Variants in ITPKB observed in about 807,000 individuals in gnomAD.
ITPKB encodes IP3 3-kinase B.
A neutral mutation model predicts 69.4 loss-of-function variants in ITPKB; 13 were observed. That is an observed-to-expected ratio of 0.19 (90% CI 0.12 to 0.30). ITPKB has a LOEUF of 0.30. Among genes scored for constraint, ITPKB ranks in the 10% least tolerant of loss-of-function variants. The pLI is 1.00. For missense variants in ITPKB, 1,240 were observed against 1,250.5 expected (o/e 0.99, Z 0.13); for synonymous variants, 584 against 513.7 (o/e 1.14, Z -1.85).
Position 226,641,256 on chromosome 1 carries a change from GC to G in ITPKB, c.2451+664del, listed in dbSNP as rs1206724443. On this transcript the variant is annotated intron_variant, in intron 5 of 7. Coordinates refer to ENST00000429204, the MANE Select transcript of ITPKB (RefSeq NM_002221.4). This position sits in a 1 kb window ranked among gnomAD's most constrained non-coding sequence, Gnocchi z 4.6. Reference sequence around the variant, plus strand: ...AATCATGTATAGGAAGCTTCTGTGTGCCCATAGCCAGAGCTAAGAACTTTCC... The same window carrying G: ...AATCATGTATAGGAAGCTTCTGTGTGCCATAGCCAGAGCTAAGAACTTTCC... Among the ~76,000 whole-genome samples, 1 of 152,174 alleles carries G rather than the reference GC, an allele frequency of 6.6e-6. No homozygotes were observed. The highest frequency in any genetic ancestry group is 1.5e-5 in the Non-Finnish European group (1 of 68,048).
At chr1:226,654,187 A>G (rs1571841915) in intron 2 of ITPKB, among the ~76,000 whole-genome samples, 1 of 152,126 alleles carries the variant, frequency 6.6e-6, no homozygotes, top group Non-Finnish European at 1.5e-5. Flanking sequence ...TGAAAGAGCT[A>G]AAATATTCAG....
At chr1:226,689,771 AC>A (rs1333662338) in intron 2 of ITPKB, among the ~76,000 whole-genome samples, 3 of 151,770 alleles carry the variant, frequency 2.0e-5, no homozygotes, top group African/African-American at 7.3e-5. Flanking sequence ...CTCTCCTCCT[AC>A]CCTCTACCCT....
At chr1:226,729,001 T>G (rs1657504752) in intron 2 of ITPKB, among the ~76,000 whole-genome samples, 1 of 152,202 alleles carries the variant, frequency 6.6e-6, no homozygotes, top group African/African-American at 2.4e-5. Context: ...TCTCCTTCAT[T>G]CATTCACCCA....
intron 2 of ITPKB, among the ~76,000 whole-genome samples, chr1:226,670,175 CAAAAAAAA>C (rs35767912): frequency 0.023 from 734 of 32,002 alleles, 9 homozygotes; most frequent in Middle Eastern, 0.11. Flanking sequence ...AGCTCCGCCG[CAAAAAAAA>C]AAAAAAAAAA....
intron 2 of ITPKB, among the ~76,000 whole-genome samples, chr1:226,710,702 T>C (rs1479291265): frequency 6.6e-6 from 1 of 152,256 alleles, no homozygotes; most frequent in Non-Finnish European, 1.5e-5. Flanking sequence ...TGGATTCTCA[T>C]GCAGTTGTCC....
At chr1:226,715,209 C>T (rs1283436546) in intron 2 of ITPKB, among the ~76,000 whole-genome samples, 1 of 152,238 alleles carries the variant, frequency 6.6e-6, no homozygotes, top group African/African-American at 2.4e-5. Context: ...CTAAGCTATG[C>T]TTGTACATGT....
chr1:226,715,305 A>G (rs1166952540), intron 2 of ITPKB, among the ~76,000 whole-genome samples: 4 of 152,256 alleles, frequency 2.6e-5, no homozygotes, highest in Admixed American at 6.5e-5. Flanking sequence ...AGTTAGTCGC[A>G]GGTAGTAGAT....
chr1:226,723,565 G>A (rs1028400407), intron 2 of ITPKB, among the ~76,000 whole-genome samples: 9 of 151,964 alleles, frequency 5.9e-5, no homozygotes, highest in Non-Finnish European at 7.4e-5. Context: ...ACACACACAC[G>A]TGTGTGTGGG....
intron 2 of ITPKB, among the ~76,000 whole-genome samples, chr1:226,670,291 A>G (rs1262340067): frequency 1.3e-5 from 2 of 151,944 alleles, no homozygotes; most frequent in African/African-American, 2.4e-5. Context: ...CCCAAGACAC[A>G]TGACCTTTTG....
At chr1:226,697,541 T>C (rs1019234762) in intron 2 of ITPKB, among the ~76,000 whole-genome samples, 2 of 152,186 alleles carry the variant, frequency 1.3e-5, no homozygotes, top group African/African-American at 4.8e-5. Context: ...TGTGCGTGAT[T>C]CTCCAACTCT....
At chr1:226,733,188 G>C (rs1446009745) in intron 2 of ITPKB, among the ~76,000 whole-genome samples, 1 of 152,208 alleles carries the variant, frequency 6.6e-6, no homozygotes, top group Non-Finnish European at 1.5e-5. Context: ...GCAAGTGTAA[G>C]CAAGTGTGAG....
rs970163736 is a variant in ITPKB, at chr1:226,700,486, A to C, written c.1932+35041T>G. The stretch of plus-strand genomic sequence containing the variant: ...CCGTCAAAAAAAAAAAAAAAAAAAA[A>C]AAAAAAAAAACCCAGAACTTTGCAA... On this transcript the variant is annotated intron_variant, in intron 2 of 7. Coordinates refer to ENST00000429204, the MANE Select transcript of ITPKB (RefSeq NM_002221.4). Among the ~76,000 whole-genome samples the C allele has an allele frequency of 9.3e-5, 14 of 150,796 alleles. No individual in the cohort carries two copies. The East Asian group carries it at 9.7e-4, about 10-fold the overall frequency.
chr1:226,661,655 A>G (rs1342511284), intron 2 of ITPKB, among the ~76,000 whole-genome samples: 2 of 152,212 alleles, frequency 1.3e-5, no homozygotes, highest in East Asian at 3.8e-4. Flanking sequence ...CATGTATCCT[A>G]AAGTATTGTT....
intron 2 of ITPKB, among the ~76,000 whole-genome samples, chr1:226,723,582 T>C (rs1657310464): frequency 6.6e-6 from 1 of 151,786 alleles, no homozygotes; most frequent in Non-Finnish European, 1.5e-5. Flanking sequence ...TGGGTGTGTG[T>C]GTATAGAGAG....
At chr1:226,701,145 C>T (rs891914287) in intron 2 of ITPKB, among the ~76,000 whole-genome samples, 1 of 152,208 alleles carries the variant, frequency 6.6e-6, no homozygotes, top group Non-Finnish European at 1.5e-5. Flanking sequence ...AGAAGCTAGC[C>T]ACGCAGGGTC....
intron 2 of ITPKB, 82 bp from the exon 3 acceptor site, chr1:226,648,853 T>G (rs1669114892): frequency 3.1e-6 from 3 of 970,062 alleles, no homozygotes. Context: ...GCAAAGGCCC[T>G]CATTGCCTGT....
intron 2 of ITPKB, among the ~76,000 whole-genome samples, chr1:226,711,430 AGAGAGAGAGAGAGT>A (rs1345031045): frequency 2.5e-4 from 32 of 128,762 alleles, no homozygotes; most frequent in South Asian, 1.1e-3. Flanking sequence ...AGAGAGAGAG[AGAGAGAGAGAGAGT>A]GTGTGTGTGT....
chr1:226,640,885 C>A (rs1173035133), intron 5 of ITPKB, among the ~76,000 whole-genome samples: 2 of 152,218 alleles, frequency 1.3e-5, no homozygotes, highest in African/African-American at 4.8e-5. Flanking sequence ...CCATTGACAG[C>A]TGCGGAAGCT....
intron 2 of ITPKB, among the ~76,000 whole-genome samples, chr1:226,696,318 C>T (rs952851549): frequency 1.3e-5 from 2 of 149,812 alleles, no homozygotes; most frequent in African/African-American, 2.5e-5. Context: ...TATAGATCTA[C>T]GTGTGTGTGT....
Sources: allele counts gnomAD v4.1 joint callset (sites outside exome capture counted in the v4.1 genomes callset), GRCh38; gene constraint gnomAD v4.1.1; non-coding constraint Gnocchi (gnomAD v3.1); transcripts MANE v1.5; gene names NCBI Gene and HGNC (gene_info 2026-07-23, HGNC 2026-07-21).